The following PIGN variants were observed in gnomAD, a reference collection of about 807,000 sequenced individuals.
PIGN encodes the protein GPI ethanolamine phosphate transferase 1.
Under a neutral mutation model 125.4 loss-of-function variants are expected in PIGN, and 117 were observed. That is an observed-to-expected ratio of 0.93 (90% CI 0.80 to 1.09). The LOEUF (loss-of-function observed/expected upper bound fraction) is 1.09. Among genes scored for constraint, PIGN ranks in the 50% least tolerant of loss-of-function variants. PIGN has a pLI of 0.00. For synonymous variants in PIGN, 392 were observed against 377.8 expected (o/e 1.04, Z -0.44); for missense variants, 1,075 against 1,094.9 (o/e 0.98, Z 0.26).
chr18:62,115,723 CA>C (rs2035063246), intron 14 of PIGN, among the ~76,000 whole-genome samples: 3 of 152,222 alleles, frequency 2.0e-5, no homozygotes, highest in African/African-American at 7.2e-5. Context: ...AGAAAATGTA[CA>C]TAATCCAAAA....
At chr18:62,097,583 C>CA (rs756740216) in intron 22 of PIGN, among the ~76,000 whole-genome samples, 36 of 151,890 alleles carry the variant, frequency 2.4e-4, no homozygotes, top group Non-Finnish European at 4.9e-4. Context: ...GGTATATACC[C>CA]AAAAATGAAT....
intron 23 of PIGN, among the ~76,000 whole-genome samples, chr18:62,018,741 G>T (rs1441071233): frequency 1.3e-5 from 2 of 152,118 alleles, no homozygotes; most frequent in African/African-American, 4.8e-5. Flanking sequence ...CAAGCCCGAG[G>T]TTCAATTACA....
chr18:62,061,511 CAAAAAAAAA>C (rs373391589), intron 30 of PIGN, among the ~76,000 whole-genome samples: 4 of 33,238 alleles, frequency 1.2e-4, no homozygotes, highest in African/African-American at 2.5e-4. Context: ...GACTCCGTCT[CAAAAAAAAA>C]AAAAAAAAAA....
At chr18:62,050,777 T>G (rs1356387978) in intron 30 of PIGN, among the ~76,000 whole-genome samples, 1 of 152,090 alleles carries the variant, frequency 6.6e-6, no homozygotes, top group African/African-American at 2.4e-5. Flanking sequence ...CTGTCTTGTG[T>G]CAGTTTTCAA....
intron 24 of PIGN, 85 bp downstream of exon 24, chr18:62,090,391 G>C (rs915865900): frequency 4.1e-6 from 3 of 727,516 alleles, no homozygotes; most frequent in African/African-American, 3.8e-5. Context: ...TAAGTAGAAA[G>C]AATTTTTGAA....
chr18:62,056,489 C>T (rs2031735379), intron 30 of PIGN, among the ~76,000 whole-genome samples: 1 of 148,212 alleles, frequency 6.7e-6, no homozygotes, highest in Non-Finnish European at 1.5e-5. Flanking sequence ...TGTCACCTTC[C>T]TCCCATCTCA....
At chr18:62,151,458 C>A (rs1196607224) in intron 7 of PIGN, among the ~76,000 whole-genome samples, 3 of 152,144 alleles carry the variant, frequency 2.0e-5, no homozygotes, top group African/African-American at 4.8e-5. Context: ...GGGCACTCCA[C>A]CAGAAAAGGA....
intron 16 of PIGN, 121 bp downstream of exon 16, chr18:62,113,013 A>G: frequency 1.4e-6 from 1 of 708,842 alleles, no homozygotes; most frequent in Non-Finnish European, 2.3e-6. Context: ...ATAAAAGCAA[A>G]TGAAAGATAA....
intron 30 of PIGN, among the ~76,000 whole-genome samples, chr18:62,054,308 T>C (rs550995184): frequency 1.3e-5 from 2 of 150,552 alleles, no homozygotes; most frequent in Non-Finnish European, 1.5e-5. Flanking sequence ...AGCCAAAGAG[T>C]TCCTAGTCTT....
chr18:62,184,267 TGAAAAAAGGC>T, intron 1 of PIGN, among the ~76,000 whole-genome samples: 1 of 152,162 alleles, frequency 6.6e-6, no homozygotes, highest in Admixed American at 6.5e-5. Flanking sequence ...TGACGTGCTT[TGAAAAAAGGC>T]ATCTTTTACA....
At chr18:62,120,974 G>A (rs2060099) in intron 14 of PIGN, among the ~76,000 whole-genome samples, 25,741 of 151,966 alleles carry the variant, frequency 0.17, 2,935 homozygotes, top group Middle Eastern at 0.29. Flanking sequence ...TTAAATATAA[G>A]AACATCAAAA....
chr18:62,075,065 T>C, intron 28 of PIGN: 1 of 316,958 alleles, frequency 3.2e-6, no homozygotes, highest in South Asian at 5.2e-5. Flanking sequence ...GGGACATACA[T>C]TATGATTTTC....
intron 23 of PIGN, among the ~76,000 whole-genome samples, chr18:62,093,045 T>C (rs2034035297): frequency 1.3e-5 from 2 of 152,106 alleles, no homozygotes; most frequent in Non-Finnish European, 2.9e-5. Flanking sequence ...AGTACACTAA[T>C]GGTTCTCTCT....
intron 30 of PIGN, among the ~76,000 whole-genome samples, chr18:62,050,057 A>G (rs1476524197): frequency 6.6e-6 from 1 of 151,962 alleles, no homozygotes; most frequent in East Asian, 1.9e-4. Context: ...CCATTGATCT[A>G]TATCTCTGTT....
At chr18:62,130,953 TGAA>T (rs1256395883) in intron 14 of PIGN, among the ~76,000 whole-genome samples, 3 of 152,140 alleles carry the variant, frequency 2.0e-5, no homozygotes, top group Admixed American at 1.3e-4. Flanking sequence ...ATGTCATAAG[TGAA>T]TAAATGAATA....
chr18:62,109,334 A>G (rs1230682283), intron 17 of PIGN, among the ~76,000 whole-genome samples: 5 of 152,218 alleles, frequency 3.3e-5, no homozygotes, highest in Non-Finnish European at 2.9e-5. Flanking sequence ...TGAAAAATAT[A>G]GACTAATCTC....
chr18:62,079,263 T>C (rs1180261217), intron 28 of PIGN, among the ~76,000 whole-genome samples: 2 of 152,242 alleles, frequency 1.3e-5, no homozygotes, highest in African/African-American at 4.8e-5. Context: ...TCCCCTGACA[T>C]TTAACACTAC....
intron 14 of PIGN, among the ~76,000 whole-genome samples, chr18:62,132,670 C>T (rs1024058904): frequency 4.6e-5 from 7 of 151,806 alleles, no homozygotes; most frequent in Admixed American, 2.6e-4. Flanking sequence ...AGGGAGATCC[C>T]ATCTCTATTA....
intron 14 of PIGN, among the ~76,000 whole-genome samples, chr18:62,119,528 C>T (rs1007834419): frequency 1.3e-5 from 2 of 152,146 alleles, no homozygotes; most frequent in African/African-American, 4.8e-5. Context: ...TCTGGTGTAA[C>T]TCATGACAGA....
Sources: allele counts gnomAD v4.1 joint callset (sites outside exome capture counted in the v4.1 genomes callset), GRCh38; gene constraint gnomAD v4.1.1; transcripts MANE v1.5; gene names NCBI Gene and HGNC (gene_info 2026-07-23, HGNC 2026-07-21).